EGLN3: variants seen among roughly 807,000 people sequenced by gnomAD.
EGLN3 encodes egl-9 family hypoxia inducible factor 3.
Under a neutral mutation model 26.0 loss-of-function variants are expected in EGLN3, and 15 were observed. The observed-to-expected ratio is 0.58, with a 90% CI of 0.39 to 0.89. The LOEUF (loss-of-function observed/expected upper bound fraction) is 0.89, where lower values mean the gene tolerates loss of function less well. EGLN3 is among the 40% of genes least tolerant of loss of function. EGLN3 has a pLI of 0.00. For missense variants in EGLN3, 238 were observed against 311.6 expected, an observed-to-expected ratio of 0.76 and a Z score of 1.78; for synonymous variants, 147 against 127.2, an observed-to-expected ratio of 1.16 and a Z score of -1.05.
At chr14:33,928,012 A>G (rs1191938992) in intron 3 of EGLN3, among the ~76,000 whole-genome samples, 1 of 151,982 alleles carries the variant, frequency 6.6e-6, no homozygotes, top group South Asian at 2.1e-4. Context: ...AACAATTTCT[A>G]TAGCACTTGA....
rs773777315 is a variant in EGLN3 at position 33,931,088 on chromosome 14, A to G, written c.477+8T>C. On this transcript the variant is annotated splice_region_variant and intron_variant, in intron 2 of 4. Transcript: ENST00000250457. ...ACCCCACACTCTACTCCCATTATTC[A>G]AAAGTACCTTGGCATCCCAATTCTT... 6.2e-7 allele frequency: 1 copy of G among 1,614,168 alleles called. No homozygotes were observed. Among genetic ancestry groups the G allele is most frequent in the Admixed American group, 1.7e-5 (1 of 60,012 alleles).
rs1193934349 is a variant in EGLN3, at chr14:33,950,630, G to A, written c.123C>T (p.Asp41=). The A allele has an allele frequency of 1.2e-6, 2 of 1,613,952 alleles. No individual in the cohort carries two copies. Among genetic ancestry groups the A allele is most frequent in the South Asian group, 2.2e-5 (2 of 91,090 alleles). The change falls in exon 1 of 5, where the codon GAC becomes GAT. Residue 41 remains aspartate (D), a synonymous_variant. Transcript: ENST00000250457. ...LDNFLGEVVG[D]CVLERVKQLH... is the part of the protein sequence containing the mutation. ...GCTGCTTGACGCGCTCCAGGACGCA[G>A]TCGCCCACCACCTCGCCCAGGAAGT...
At chr14:33,935,911 G>A (rs1394871205) in intron 1 of EGLN3, among the ~76,000 whole-genome samples, 1 of 152,020 alleles carries the variant, frequency 6.6e-6, no homozygotes, top group Non-Finnish European at 1.5e-5. Flanking sequence ...CAACGACACA[G>A]GCACAACAAC....
intron 1 of EGLN3, among the ~76,000 whole-genome samples, chr14:33,935,426 A>T (rs1207630349): frequency 6.6e-6 from 1 of 152,128 alleles, no homozygotes; most frequent in African/African-American, 2.4e-5. Context: ...CATGAGTCAG[A>T]ACTCTGGTGT....
intron 4 of EGLN3, among the ~76,000 whole-genome samples, chr14:33,926,632 A>T (rs981820176): frequency 6.6e-6 from 1 of 152,228 alleles, no homozygotes; most frequent in African/African-American, 2.4e-5. Context: ...GGGTTCCATT[A>T]TATTTCCTTT....
Position 33,950,994 on chromosome 14 carries a change from G to A in EGLN3, c.-242C>T, listed in dbSNP as rs539666686. Reference sequence around the variant, plus strand: ...GAGCTCCACGACCCGTTTCCGGACTGGCCCGGCGAGCAGTGCGGCGCAAGG... The same window carrying A: ...GAGCTCCACGACCCGTTTCCGGACTAGCCCGGCGAGCAGTGCGGCGCAAGG... On this transcript the variant is annotated 5_prime_UTR_variant, in exon 1 of 5. Coordinates refer to ENST00000250457, the MANE Select transcript of EGLN3 (RefSeq NM_022073.4). 1 of 542,926 alleles carries A rather than the reference G, an allele frequency of 1.8e-6. No homozygotes were observed. The highest frequency in any genetic ancestry group is 1.9e-5 in the African/African-American group (1 of 52,788). The allele number at this position is 542,926 out of a possible 1,614,324, so 33.6% of individuals were successfully genotyped here.
chr14:33,950,365 C>G (rs1381006937), intron 1 of EGLN3, 31 bp downstream of exon 1: 10 of 1,604,266 alleles, frequency 6.2e-6, no homozygotes, highest in Non-Finnish European at 5.1e-6. Flanking sequence ...CCCGCGGGAG[C>G]AGCTGCGGCA....
At chr14:33,932,119 G>C (rs1046549018) in intron 1 of EGLN3, among the ~76,000 whole-genome samples, 1 of 152,184 alleles carries the variant, frequency 6.6e-6, no homozygotes, top group African/African-American at 2.4e-5. Flanking sequence ...TTTTTATAGG[G>C]ATGCAGTAGG....
In EGLN3 at chr14:33,950,780, C is replaced by A. The variant is rs760007038; in HGVS notation, c.-28G>T. On this transcript the variant is annotated 5_prime_UTR_variant, in exon 1 of 5. Coordinates refer to ENST00000250457, the MANE Select transcript of EGLN3 (RefSeq NM_022073.4). The stretch of plus-strand genomic sequence containing the variant: ...CGCCCGCAGAATCGAGGTCCGGGAT[C>A]CCCAGCGTGCAACCAGAGAGGGAAC... 11 of 1,402,152 alleles carry A rather than the reference C, an allele frequency of 7.8e-6. No individual in the cohort carries two copies. The South Asian group carries it at 1.1e-4, about 14-fold the overall frequency. The allele number at this position is 1,402,152 out of a possible 1,614,324, so 86.9% of individuals were successfully genotyped here. A position where few individuals can be genotyped will look rare whatever the true frequency, so the allele number is the denominator to read the frequency against.
chr14:33,933,386 AC>A (rs1372282315), intron 1 of EGLN3, among the ~76,000 whole-genome samples: 1 of 152,108 alleles, frequency 6.6e-6, no homozygotes, highest in Non-Finnish European at 1.5e-5. Flanking sequence ...TATAAAACAC[AC>A]AGAGACAAAG....
At chr14:33,930,297 A>C (rs561900081) in intron 2 of EGLN3, among the ~76,000 whole-genome samples, 1 of 152,340 alleles carries the variant, frequency 6.6e-6, no homozygotes, top group Non-Finnish European at 1.5e-5. Flanking sequence ...CCAAACAGGG[A>C]GAAGAGATAG....
At chr14:33,928,963 G>T in intron 3 of EGLN3, 113 bp downstream of exon 3, 1 of 1,341,296 alleles carries the variant, frequency 7.5e-7, no homozygotes, top group Non-Finnish European at 1.0e-6. Flanking sequence ...TTTGCTATCA[G>T]CTATGGGGTG....
intron 4 of EGLN3, 120 bp from the exon 5 acceptor site, chr14:33,926,042 A>T (rs1248778023): frequency 5.6e-6 from 5 of 894,892 alleles, no homozygotes; most frequent in South Asian, 1.6e-5. Flanking sequence ...AAGCCTCCTA[A>T]TAGAGCTCTG....
Position 33,944,442 on chromosome 14 carries a change from T to G in EGLN3, c.357+5954A>C, listed in dbSNP as rs550631900. Among the ~76,000 whole-genome samples, 12 of 152,258 alleles carry G rather than the reference T, an allele frequency of 7.9e-5. No individual in the cohort carries two copies. In the East Asian group the frequency reaches 2.3e-3, roughly 29 times the overall value. On this transcript the variant is annotated intron_variant, in intron 1 of 4. Transcript: ENST00000250457. ...GCCACCCTTTCTCTATTAAAGTACC[T>G]TTTATCCATCCCTTCCCAAGGATCT... is the stretch of plus-strand genomic sequence containing the variant.
chr14:33,950,050 TAC>T (rs774137054), intron 1 of EGLN3: 10 of 570,552 alleles, frequency 1.8e-5, no homozygotes, highest in East Asian at 5.7e-5. Context: ...TCTCAGATGA[TAC>T]ACAGTGTTTC....
chr14:33,929,232 G>A lies in EGLN3; in HGVS notation c.478-20C>T. Reference sequence around the variant, plus strand: ...ATGTAGCTGAAAGACACAAAGAAGGGGGATTATTTCTTACCTCTCATGTAG... The same window carrying A: ...ATGTAGCTGAAAGACACAAAGAAGGAGGATTATTTCTTACCTCTCATGTAG... On this transcript the variant is annotated intron_variant, in intron 2 of 4. Coordinates refer to ENST00000250457, the MANE Select transcript of EGLN3 (RefSeq NM_022073.4). 6.2e-7 allele frequency: 1 copy of A among 1,613,254 alleles called. No homozygotes were observed. Among genetic ancestry groups the A allele is most frequent in the African/African-American group, 1.3e-5 (1 of 75,006 alleles).
rs753508316 is a variant in EGLN3, at chr14:33,925,915, A to C, written c.696T>G (p.Thr232=). ...GTCAGTCTTCAGTGAGGGCAGATTC[A>C]GTTTTCCCTGGGTTGGGGACAGAAA... is the stretch of plus-strand genomic sequence containing the variant. ...KKKFRNLTRK[T]ESALTED is the part of the protein sequence containing the mutation. Residue 232 remains threonine (T), a synonymous_variant, in exon 5 of 5, where the codon ACT becomes ACG. Transcript: ENST00000250457. 27 of 1,609,126 alleles carry C rather than the reference A, an allele frequency of 1.7e-5. No homozygotes were observed. Among genetic ancestry groups the C allele is most frequent in the Non-Finnish European group, 2.3e-5 (27 of 1,177,462 alleles).
intron 1 of EGLN3, among the ~76,000 whole-genome samples, chr14:33,938,212 C>T (rs2064455821): frequency 6.6e-6 from 1 of 152,208 alleles, no homozygotes; most frequent in Non-Finnish European, 1.5e-5. Flanking sequence ...CCAGGAGATC[C>T]CGCATTTCAT....
intron 2 of EGLN3, among the ~76,000 whole-genome samples, chr14:33,930,123 T>C (rs2064391403): frequency 6.6e-6 from 1 of 152,226 alleles, no homozygotes; most frequent in African/African-American, 2.4e-5. Flanking sequence ...CATCAATGTT[T>C]CTTCATAATA....
Sources: allele counts gnomAD v4.1 joint callset (sites outside exome capture counted in the v4.1 genomes callset), GRCh38; gene constraint gnomAD v4.1.1; transcripts MANE v1.5; gene names NCBI Gene and HGNC (gene_info 2026-07-23, HGNC 2026-07-21).